Variants in SLC30A8 observed in about 807,000 individuals in gnomAD.
SLC30A8 encodes the protein proton-coupled zinc antiporter SLC30A8.
SLC30A8 carries 27 observed loss-of-function variants against 36.9 expected under a neutral mutation model. The observed-to-expected ratio is 0.73, with a 90% CI of 0.54 to 1.01. The LOEUF is 1.01. SLC30A8 is among the 50% of genes least tolerant of loss of function. The probability of loss-of-function intolerance (pLI) is 0.00; values close to 1 mark genes in which losing one functional copy is unlikely to be tolerated. For missense variants in SLC30A8, 439 were observed against 452.0 expected (o/e 0.97, Z 0.26); for synonymous variants, 164 against 172.4 (o/e 0.95, Z 0.38).
At chr8:117,097,165 C>T (rs1410308709) in intron 2 of SLC30A8, among the ~76,000 whole-genome samples, 12 of 151,078 alleles carry the variant, frequency 7.9e-5, no homozygotes, top group African/African-American at 1.2e-4. Context: ...TTTGGGAGGC[C>T]GAGGTGGGCA....
intron 1 of SLC30A8, among the ~76,000 whole-genome samples, chr8:117,023,911 G>A (rs940427107): frequency 4.0e-5 from 6 of 151,360 alleles, no homozygotes; most frequent in Admixed American, 1.3e-4. Context: ...GTCTTAAGGT[G>A]CTTCCATGGG....
At chr8:117,157,912 C>T in intron 4 of SLC30A8, 68 bp downstream of exon 4, 2 of 1,556,530 alleles carry the variant, frequency 1.3e-6, no homozygotes, top group Non-Finnish European at 1.7e-6. Flanking sequence ...ACAAAGTCGA[C>T]CTTTTAAAAA....
intron 2 of SLC30A8, among the ~76,000 whole-genome samples, chr8:117,102,697 TTTC>T (rs1371558976): frequency 2.6e-5 from 4 of 152,186 alleles, no homozygotes; most frequent in Non-Finnish European, 5.9e-5. Context: ...ATAATCCCAA[TTTC>T]TTCTTCATCT....
chr8:117,028,699 A>G (rs186818142), intron 1 of SLC30A8, among the ~76,000 whole-genome samples: 42 of 152,180 alleles, frequency 2.8e-4, no homozygotes, highest in African/African-American at 1.0e-3. Context: ...ATAAGCAGGT[A>G]GAAGGATTAC....
At chr8:117,115,522 T>C (rs1050180839) in intron 2 of SLC30A8, among the ~76,000 whole-genome samples, 2 of 152,122 alleles carry the variant, frequency 1.3e-5, no homozygotes, top group African/African-American at 2.4e-5. Context: ...CAATCATTCT[T>C]TCATTGTTAT....
At chr8:117,009,001 A>G (rs1014153183) in intron 1 of SLC30A8, among the ~76,000 whole-genome samples, 1 of 152,240 alleles carries the variant, frequency 6.6e-6, no homozygotes, top group Non-Finnish European at 1.5e-5. Flanking sequence ...ATACAGGATT[A>G]CTTGGGAATC....
Position 117,006,636 on chromosome 8 carries a change from G to A in SLC30A8, c.-265-32583G>A, listed in dbSNP as rs1816179406. On this transcript the variant is annotated intron_variant, in intron 1 of 10. Coordinates refer to the SLC30A8 transcript ENST00000427715. ...GGCTTGGAAAAAGTGGGGGCAGAAC[G>A]GCTGGTGCGTCATCAGTCTACCATG... Among the ~76,000 whole-genome samples, 4 of 152,146 alleles carry A rather than the reference G, an allele frequency of 2.6e-5. No individual in the cohort carries two copies. In the South Asian group the frequency reaches 6.2e-4, roughly 24 times the overall value.
chr8:117,148,200 C>T (rs1821993284), intron 2 of SLC30A8, among the ~76,000 whole-genome samples: 2 of 152,040 alleles, frequency 1.3e-5, no homozygotes, highest in African/African-American at 4.8e-5. Flanking sequence ...TCTCCATCTA[C>T]TGAGAAGATA....
intron 1 of SLC30A8, among the ~76,000 whole-genome samples, chr8:116,980,708 A>G (rs1354527841): frequency 2.6e-5 from 4 of 152,204 alleles, no homozygotes. Flanking sequence ...AGAACAAGGT[A>G]AAGAATGAAG....
At chr8:117,155,775 G>C (rs934954595) in intron 3 of SLC30A8, among the ~76,000 whole-genome samples, 1 of 152,210 alleles carries the variant, frequency 6.6e-6, no homozygotes, top group African/African-American at 2.4e-5. Flanking sequence ...TCCTTCTGAG[G>C]TCTGTGAGGG....
At chr8:117,038,814 A>G (rs976958088) in intron 1 of SLC30A8, among the ~76,000 whole-genome samples, 8 of 152,236 alleles carry the variant, frequency 5.3e-5, no homozygotes, top group Admixed American at 5.2e-4. Flanking sequence ...GGTAACCAAT[A>G]AGATGATTTT....
At chr8:116,982,943 G>A (rs754614358) in intron 1 of SLC30A8, among the ~76,000 whole-genome samples, 9 of 152,072 alleles carry the variant, frequency 5.9e-5, no homozygotes, top group South Asian at 2.1e-4. Flanking sequence ...CCACACATTA[G>A]TAAAATGAAT....
intron 1 of SLC30A8, among the ~76,000 whole-genome samples, chr8:117,028,290 G>T (rs1391031598): frequency 6.6e-6 from 1 of 152,162 alleles, no homozygotes; most frequent in Non-Finnish European, 1.5e-5. Flanking sequence ...TTTTTAAAAT[G>T]CAGCATAAAA....
At chr8:116,964,403 C>T (rs1814529646) in intron 1 of SLC30A8, among the ~76,000 whole-genome samples, 1 of 152,144 alleles carries the variant, frequency 6.6e-6, no homozygotes, top group Non-Finnish European at 1.5e-5. Flanking sequence ...CACAATGGTT[C>T]CTGAGAGATA....
intron 3 of SLC30A8, among the ~76,000 whole-genome samples, chr8:117,155,845 C>G (rs1268614432): frequency 6.6e-6 from 1 of 152,100 alleles, no homozygotes; most frequent in Admixed American, 6.5e-5. Context: ...CTTTGTCATT[C>G]CTTAGCTCAT....
intron 1 of SLC30A8, among the ~76,000 whole-genome samples, chr8:116,997,141 C>T (rs1815848408): frequency 6.6e-6 from 1 of 152,094 alleles, no homozygotes; most frequent in Non-Finnish European, 1.5e-5. Context: ...CTGCAAGAGG[C>T]AGAAGACGAA....
At chr8:117,131,070 C>T (rs1017706733), upstream of SLC30A8, among the ~76,000 whole-genome samples, 1 of 151,752 alleles carries the variant, frequency 6.6e-6, no homozygotes, top group African/African-American at 2.4e-5. Flanking sequence ...ATAGCTCAAT[C>T]GCTTGAAAAA....
intron 1 of SLC30A8, among the ~76,000 whole-genome samples, chr8:117,020,204 C>CATTT (rs1816656770): frequency 6.6e-6 from 1 of 152,056 alleles, no homozygotes; most frequent in Non-Finnish European, 1.5e-5. Context: ...ATTAGCCCTA[C>CATTT]ATTTGGCTAC....
At chr8:117,161,262 A>G (rs1320299994) in intron 4 of SLC30A8, among the ~76,000 whole-genome samples, 1 of 152,256 alleles carries the variant, frequency 6.6e-6, no homozygotes, top group Non-Finnish European at 1.5e-5. Context: ...ATTAGGTAAA[A>G]TAAAACCTCA....
Sources: gnomAD v4.1 joint callset for allele counts (sites outside exome capture counted in the v4.1 genomes callset) on GRCh38, gnomAD v4.1.1 for gene constraint, MANE v1.5 for transcripts, NCBI Gene and HGNC (gene_info 2026-07-23, HGNC 2026-07-21) for gene names.